WDR64: variants seen among roughly 807,000 people sequenced by gnomAD.
WDR64 encodes WD repeat domain 64.
Under a neutral mutation model 139.3 loss-of-function variants are expected in WDR64, and 112 were observed. The observed-to-expected ratio is 0.80, with a 90% CI of 0.69 to 0.94. The LOEUF is 0.94. WDR64 is among the 40% of genes least tolerant of loss of function. The pLI, the probability that WDR64 is intolerant of heterozygous loss-of-function variation, is 0.00. For missense variants in WDR64, 1,206 were observed against 1,293.1 expected, an observed-to-expected ratio of 0.93 and a Z score of 1.03; for synonymous variants, 444 against 437.7, an observed-to-expected ratio of 1.01 and a Z score of -0.18.
intron 9 of WDR64, 88 bp from the exon 10 acceptor site, chr1:241,723,209 A>G: frequency 6.7e-7 from 1 of 1,496,516 alleles, no homozygotes; most frequent in South Asian, 1.3e-5. Context: ...CTGTTCGAAG[A>G]AAGATACGGG....
Position 241,703,471 on chromosome 1 carries a change from T to C in WDR64, c.975-8331T>C, listed in dbSNP as rs1360564634. Reference sequence around the variant, plus strand: ...GACTCTATCAAAAAGTTTTTTTTTTTTTTCTGTTTTGAAGAAACTGTCAGA... The same window carrying C: ...GACTCTATCAAAAAGTTTTTTTTTTCTTTCTGTTTTGAAGAAACTGTCAGA... On this transcript the variant is annotated intron_variant, in intron 8 of 27. Transcript: ENST00000437684. This position sits in a 1 kb window ranked among gnomAD's most constrained non-coding sequence, Gnocchi z 5.9. Among the ~76,000 whole-genome samples the C allele has an allele frequency of 6.6e-6, 1 of 151,968 alleles. No individual in the cohort carries two copies. Among genetic ancestry groups the C allele is most frequent in the East Asian group, 1.9e-4 (1 of 5,184 alleles).
chr1:241,782,648 A>G (rs566393150), intron 22 of WDR64, among the ~76,000 whole-genome samples: 5 of 152,300 alleles, frequency 3.3e-5, no homozygotes, highest in African/African-American at 1.2e-4. Flanking sequence ...GGATAGCCAC[A>G]CCCTGAAGAA....
chr1:241,796,478 C>A, intron 27 of WDR64, 108 bp downstream of exon 27: 2 of 727,092 alleles, frequency 2.8e-6, no homozygotes, highest in Non-Finnish European at 4.3e-6. Context: ...AACCTAAAAT[C>A]ATTTCAGTTC....
intron 10 of WDR64, among the ~76,000 whole-genome samples, chr1:241,732,058 T>C (rs1467991604): frequency 1.3e-5 from 2 of 152,160 alleles, no homozygotes; most frequent in South Asian, 2.1e-4. Flanking sequence ...ATGTAATCAA[T>C]TGAGTGACCC....
chr1:241,782,628 C>T (rs1164942397), intron 22 of WDR64, among the ~76,000 whole-genome samples: 1 of 152,140 alleles, frequency 6.6e-6, no homozygotes, highest in Non-Finnish European at 1.5e-5. Context: ...ACGAGAGGCC[C>T]TAAACTTGAG....
At chr1:241,686,169 A>AC (rs1178578538) in intron 7 of WDR64, among the ~76,000 whole-genome samples, 9 of 152,184 alleles carry the variant, frequency 5.9e-5, no homozygotes, top group Admixed American at 5.2e-4. Flanking sequence ...ATTTTCTTAC[A>AC]CCAAGAGATC....
intron 6 of WDR64, among the ~76,000 whole-genome samples, chr1:241,681,159 G>A (rs1666774924): frequency 6.6e-6 from 1 of 151,966 alleles, no homozygotes; most frequent in Non-Finnish European, 1.5e-5. Context: ...GGAACAGGTG[G>A]TATTTGGTTA....
At chr1:241,729,078 TCTAA>T (rs937669873) in intron 10 of WDR64, among the ~76,000 whole-genome samples, 7 of 152,248 alleles carry the variant, frequency 4.6e-5, no homozygotes, top group South Asian at 4.1e-4. Flanking sequence ...CTGATTTTCC[TCTAA>T]CTGTTAATGG....
chr1:241,734,302 G>A (rs1357534340), intron 10 of WDR64, among the ~76,000 whole-genome samples: 1 of 151,934 alleles, frequency 6.6e-6, no homozygotes, highest in East Asian at 1.9e-4. Flanking sequence ...GCTGTGCCCC[G>A]ACCACCTTGG....
Position 241,801,342 on chromosome 1 carries a change from T to C in WDR64, c.*127T>C. On this transcript the variant is annotated 3_prime_UTR_variant, in exon 28 of 28. Coordinates refer to ENST00000437684, the MANE Select transcript of WDR64 (RefSeq NM_001367482.1). Reference sequence around the variant, plus strand: ...AGTCATCTCTGGTGTCAGGCCATCCTATTGATGGGAAAGATTGCTTAGGGA... The same window carrying C: ...AGTCATCTCTGGTGTCAGGCCATCCCATTGATGGGAAAGATTGCTTAGGGA... 2.6e-6 allele frequency: 2 copies of C among 769,852 alleles called. No individual in the cohort carries two copies. Among genetic ancestry groups the C allele is most frequent in the East Asian group, 2.6e-5 (1 of 39,140 alleles). The allele number at this position is 769,852 out of a possible 1,614,324, so 47.7% of individuals were successfully genotyped here.
At chr1:241,672,501 C>A (rs1666272493) in intron 3 of WDR64, among the ~76,000 whole-genome samples, 2 of 152,282 alleles carry the variant, frequency 1.3e-5, no homozygotes, top group Non-Finnish European at 2.9e-5. Flanking sequence ...CTAAAGTCTA[C>A]TATGTAGGCC....
chr1:241,709,617 TAAAG>T (rs1180396556), intron 8 of WDR64, among the ~76,000 whole-genome samples: 3 of 152,012 alleles, frequency 2.0e-5, no homozygotes, highest in African/African-American at 4.8e-5. Context: ...CTGTCTCTAC[TAAAG>T]AAAGAAAGAA....
intron 8 of WDR64, among the ~76,000 whole-genome samples, chr1:241,706,952 T>A (rs1014783360): frequency 6.6e-6 from 1 of 152,170 alleles, no homozygotes; most frequent in African/African-American, 2.4e-5. Context: ...GATCACTTAT[T>A]TTTTTGATCT....
In WDR64 at chr1:241,760,505, G is replaced by T. The variant is rs547637821; in HGVS notation, c.1947+3046G>T. 4.0e-5 allele frequency among the ~76,000 whole-genome samples: 6 copies of T among 151,028 alleles called. No homozygotes were observed. The East Asian group carries it at 1.2e-3, about 29-fold the overall frequency. On this transcript the variant is annotated intron_variant, in intron 15 of 27. Transcript: ENST00000437684. ...AATAAGAAGCTGGAAAAAATATGTG[G>T]AACTTATATCACAAAAGGACTAATA...
intron 1 of WDR64, among the ~76,000 whole-genome samples, chr1:241,655,636 C>T (rs1665559960): frequency 6.6e-6 from 1 of 152,070 alleles, no homozygotes; most frequent in Non-Finnish European, 1.5e-5. Flanking sequence ...TTGGCATTTC[C>T]AAACATGCTC....
intron 7 of WDR64, among the ~76,000 whole-genome samples, chr1:241,684,685 A>G (rs1666941179): frequency 6.6e-6 from 1 of 152,162 alleles, no homozygotes; most frequent in Non-Finnish European, 1.5e-5. Context: ...TGCCTTCATA[A>G]CCATTAATAC....
At chr1:241,736,229 C>A (rs555653703) in intron 10 of WDR64, among the ~76,000 whole-genome samples, 27 of 152,258 alleles carry the variant, frequency 1.8e-4, no homozygotes, top group Non-Finnish European at 2.9e-4. Flanking sequence ...TCAGCCCATT[C>A]ATTGCTTTAT....
chr1:241,773,169 G>A (rs1658525705), intron 20 of WDR64, among the ~76,000 whole-genome samples: 1 of 152,156 alleles, frequency 6.6e-6, no homozygotes, highest in East Asian at 1.9e-4. Context: ...TTTCAAATAT[G>A]TCTCTCTTTT....
chr1:241,789,972 T>G (rs1659165043), intron 24 of WDR64, among the ~76,000 whole-genome samples: 1 of 152,180 alleles, frequency 6.6e-6, no homozygotes, highest in Admixed American at 6.5e-5. Flanking sequence ...CATATGGAAG[T>G]CAAGCACTGG....
Sources: gnomAD v4.1 joint callset for allele counts (sites outside exome capture counted in the v4.1 genomes callset) on GRCh38, gnomAD v4.1.1 for gene constraint, Gnocchi (gnomAD v3.1) non-coding constraint, MANE v1.5 for transcripts, NCBI Gene and HGNC (gene_info 2026-07-23, HGNC 2026-07-21) for gene names.